Variants in FBXW11 observed in about 807,000 individuals in gnomAD.
FBXW11 encodes F-box and WD repeat domain containing 11, also known as F-box/WD repeat-containing protein 11.
Under a neutral mutation model 77.6 loss-of-function variants are expected in FBXW11, and 19 were observed. The observed-to-expected ratio is 0.24, with a 90% confidence interval of 0.17 to 0.36. The LOEUF (loss-of-function observed/expected upper bound fraction) is 0.36. FBXW11 is among the 10% of genes least tolerant of loss of function. The pLI is 1.00. For synonymous variants in FBXW11, 235 were observed against 249.4 expected (o/e 0.94, Z 0.54); for missense variants, 334 against 704.2 (o/e 0.47, Z 5.95).
chr5:171,979,299 A>T (rs1765017489), intron 1 of FBXW11, among the ~76,000 whole-genome samples: 1 of 152,070 alleles, frequency 6.6e-6, no homozygotes. Context: ...GGAAACAAAG[A>T]CCCTCTCTCA....
chr5:171,867,645 G>C (rs944798102), intron 13 of FBXW11: 1 of 152,014 alleles, frequency 6.6e-6, no homozygotes, highest in African/African-American at 2.4e-5. Flanking sequence ...TTAGTGAATA[G>C]GTACCAAGAG....
chr5:171,996,207 C>T (rs892579624), intron 1 of FBXW11, among the ~76,000 whole-genome samples: 2 of 152,094 alleles, frequency 1.3e-5, no homozygotes, highest in Non-Finnish European at 2.9e-5. Flanking sequence ...TACATGAAAC[C>T]GCAAAAAATA....
At chr5:171,877,420 A>C (rs1758162095) in intron 8 of FBXW11, among the ~76,000 whole-genome samples, 1 of 152,180 alleles carries the variant, frequency 6.6e-6, no homozygotes, top group Non-Finnish European at 1.5e-5. Context: ...TTCTTTACCC[A>C]GCTGCTTTAT....
At chr5:171,951,227 A>G (rs960155003) in intron 2 of FBXW11, among the ~76,000 whole-genome samples, 4 of 151,904 alleles carry the variant, frequency 2.6e-5, no homozygotes, top group African/African-American at 9.7e-5. Flanking sequence ...ATTGTAGTCT[A>G]AAGGCCCCTC....
chr5:171,905,424 C>T (rs3734103), intron 4 of FBXW11, among the ~76,000 whole-genome samples: 92 of 152,224 alleles, frequency 6.0e-4, no homozygotes, highest in East Asian at 3.1e-3. Flanking sequence ...AAACAGCATA[C>T]GTAAAGAGCT....
At chr5:171,984,262 C>A (rs1026802693) in intron 1 of FBXW11, among the ~76,000 whole-genome samples, 2 of 152,230 alleles carry the variant, frequency 1.3e-5, no homozygotes, top group African/African-American at 4.8e-5. Flanking sequence ...GCTGTGCACA[C>A]ATGTAAAAAT....
At chr5:171,971,053 G>A (rs773455176) in intron 1 of FBXW11, among the ~76,000 whole-genome samples, 86 of 152,270 alleles carry the variant, frequency 5.6e-4, no homozygotes, top group African/African-American at 2.0e-3. Flanking sequence ...AAGGAATTTC[G>A]CTAAATGCTG....
chr5:171,866,047 T>A (rs1014949778), intron 13 of FBXW11, among the ~76,000 whole-genome samples: 2 of 152,086 alleles, frequency 1.3e-5, no homozygotes, highest in African/African-American at 2.4e-5. Context: ...GGCAGATCAA[T>A]TGAGGTCAGG....
In FBXW11 at chr5:171,876,107, T is replaced by C; in HGVS notation, c.1221+178A>G. 6.6e-6 allele frequency among the ~76,000 whole-genome samples: 1 copy of C among 152,220 alleles called. No homozygotes were observed. Among genetic ancestry groups the C allele is most frequent in the South Asian group, 2.1e-4 (1 of 4,826 alleles). ...GTTCTCTCTTCTGGACCGATGGCTTTTCCTCCTACCTTGCCTACAACTCTA... is the reference window on the plus strand; with the variant it reads ...GTTCTCTCTTCTGGACCGATGGCTTCTCCTCCTACCTTGCCTACAACTCTA... On this transcript the variant is annotated intron_variant, in intron 9 of 13. Transcript: ENST00000517395. The surrounding 1 kb of genome is among the most constrained non-coding windows in gnomAD (Gnocchi z 4.2).
intron 1 of FBXW11, among the ~76,000 whole-genome samples, chr5:171,960,873 G>A (rs537575668): frequency 1.2e-4 from 18 of 152,252 alleles, no homozygotes; most frequent in South Asian, 2.1e-4. Flanking sequence ...AAAGCTTTTT[G>A]AAGCTTGTTA....
At chr5:171,953,489 C>A (rs114487591) in intron 2 of FBXW11, among the ~76,000 whole-genome samples, 6 of 151,956 alleles carry the variant, frequency 3.9e-5, no homozygotes, top group Non-Finnish European at 7.4e-5. Flanking sequence ...TTAGACAGAC[C>A]GACCCTGAAC....
At chr5:171,918,236 A>C (rs749041961) in intron 2 of FBXW11, among the ~76,000 whole-genome samples, 74 of 152,126 alleles carry the variant, frequency 4.9e-4, no homozygotes, top group Admixed American at 2.0e-4. Flanking sequence ...AATCAGAAAC[A>C]CTTTTGGTCC....
intron 1 of FBXW11, among the ~76,000 whole-genome samples, chr5:172,006,057 G>T (rs553001035): frequency 6.6e-6 from 1 of 152,276 alleles, no homozygotes; most frequent in East Asian, 1.9e-4. Flanking sequence ...CATCTCACTC[G>T]GCCTGAGTGG....
chr5:171,965,531 AAT>A (rs1491013156), intron 1 of FBXW11, among the ~76,000 whole-genome samples: 69 of 150,336 alleles, frequency 4.6e-4, no homozygotes, highest in African/African-American at 1.6e-3. Flanking sequence ...TGTCTTTAAA[AAT>A]AAAAAAAAAA....
intron 2 of FBXW11, among the ~76,000 whole-genome samples, chr5:171,931,331 G>A (rs1021325441): frequency 6.6e-6 from 1 of 152,204 alleles, no homozygotes; most frequent in Non-Finnish European, 1.5e-5. Context: ...TGTGGTACTG[G>A]CAACAGAATA....
At chr5:171,897,437 G>T (rs1759818187) in intron 6 of FBXW11, among the ~76,000 whole-genome samples, 1 of 152,120 alleles carries the variant, frequency 6.6e-6, no homozygotes, top group Non-Finnish European at 1.5e-5. Context: ...GTCGCACAGG[G>T]TTTTCCCACA....
chr5:171,948,087 T>C (rs1041924909), intron 2 of FBXW11, among the ~76,000 whole-genome samples: 1 of 150,824 alleles, frequency 6.6e-6, no homozygotes, highest in African/African-American at 2.4e-5. Context: ...TACAAAAAAT[T>C]AGCTGGGCAT....
At chr5:171,930,754 T>TAAAAAAAAA (rs1300857997) in intron 2 of FBXW11, among the ~76,000 whole-genome samples, 5 of 32,318 alleles carry the variant, frequency 1.5e-4, no homozygotes, top group African/African-American at 1.7e-4. Context: ...AAATAAAAAA[T>TAAAAAAAAA]AAAAAAATAA....
At chr5:171,892,910 C>CAAAGCAGA (rs1351504572) in intron 6 of FBXW11, among the ~76,000 whole-genome samples, 18 of 152,190 alleles carry the variant, frequency 1.2e-4, no homozygotes, top group Non-Finnish European at 1.9e-4. Flanking sequence ...TACTTAATTA[C>CAAAGCAGA]TGGCTCTGCT....
Sources: allele counts gnomAD v4.1 joint callset (sites outside exome capture counted in the v4.1 genomes callset), GRCh38; gene constraint gnomAD v4.1.1; non-coding constraint Gnocchi (gnomAD v3.1); transcripts MANE v1.5; gene names NCBI Gene and HGNC (gene_info 2026-07-23, HGNC 2026-07-21).